SHROOM2: variants seen among roughly 807,000 people sequenced by gnomAD.
SHROOM2 encodes the protein protein Shroom2.
Under a neutral mutation model 75.9 loss-of-function variants are expected in SHROOM2, and 33 were observed. That is an observed-to-expected ratio of 0.43 (90% CI 0.33 to 0.58). The LOEUF (loss-of-function observed/expected upper bound fraction) is 0.58. Ranked by LOEUF, SHROOM2 falls within the 20% of genes least tolerant of loss-of-function variation. The pLI is 0.04. For missense variants in SHROOM2, 1,434 were observed against 1,461.2 expected (o/e 0.98, Z 0.30); for synonymous variants, 655 against 663.6 (o/e 0.99, Z 0.20).
chrX:9,821,196 A>G (rs1396021058), intron 1 of SHROOM2, among the ~76,000 whole-genome samples: 2 of 112,249 alleles, frequency 1.8e-5, no homozygotes, highest in Non-Finnish European at 3.8e-5. Context: ...CAACTGCTCT[A>G]CAGAGATGTG....
At position 9,886,563 on chromosome X, in the gene SHROOM2, A is replaced by G. The variant is rs778608391; in HGVS notation, c.318-4414A>G. On this transcript the variant is annotated intron_variant, in intron 2 of 9. Coordinates refer to ENST00000380913, the MANE Select transcript of SHROOM2 (RefSeq NM_001649.4). The stretch of plus-strand genomic sequence containing the variant: ...CTCCAGAAACTTGTTTCATCTTGCA[A>G]AACAGAGGCTCTATATGCATTAAAC... Among the ~76,000 whole-genome samples the G allele has an allele frequency of 3.6e-5, 4 of 111,851 alleles. No homozygotes were observed. The East Asian group carries it at 1.1e-3, about 31-fold the overall frequency.
chrX:9,937,544 T>C lies in SHROOM2; in HGVS notation c.3998T>C (p.Ile1333Thr). The change falls in exon 7 of 10, where the codon ATC (isoleucine) becomes ACC (threonine). Residue 1333 changes from isoleucine (I) to threonine (T), a missense_variant. By Grantham distance (89) the Ile-to-Thr change is moderately conservative (BLOSUM62 -1). Coordinates refer to ENST00000380913, the MANE Select transcript of SHROOM2 (RefSeq NM_001649.4). ...GGGAAGGATAAGTCCCTGGCCGACA[T>C]CCTGGATCCCAGTGTGAAGATCAAA... ...IVGKDKSLAD[I>T]LDPSVKIKTT... is the part of the protein sequence containing the mutation. 1 of 1,211,873 alleles carries C rather than the reference T, an allele frequency of 8.3e-7. No individual in the cohort carries two copies. Among genetic ancestry groups the C allele is most frequent in the Non-Finnish European group, 1.1e-6 (1 of 895,571 alleles).
chrX:9,827,921 G>A (rs1039999415), intron 1 of SHROOM2, among the ~76,000 whole-genome samples: 38 of 112,170 alleles, frequency 3.4e-4, no homozygotes, highest in African/African-American at 1.0e-3. Flanking sequence ...CTTCCCATCA[G>A]CAGCATCAGC....
chrX:9,808,507 G>A (rs769799350), intron 1 of SHROOM2, among the ~76,000 whole-genome samples: 1 of 110,467 alleles, frequency 9.1e-6, no homozygotes, highest in African/African-American at 3.3e-5. Flanking sequence ...TATCATTACG[G>A]CACTGTACTC....
At position 9,895,565 on chromosome X, in the gene SHROOM2, C is replaced by T; in HGVS notation, c.1657C>T (p.Pro553Ser). 8.5e-7 allele frequency: 1 copy of T among 1,173,671 alleles called. No homozygotes were observed. The highest frequency in any genetic ancestry group is 1.1e-6 in the Non-Finnish European group (1 of 878,393). ...CTGCTCCGCGGGAGCCCAGGAGCCT[C>T]CCAGGGCCAGCCGTGCAGAAAAAGC... Reference protein sequence around the residue: ...EGCSAGAQEPPRASRAEKASQ... With the variant: ...EGCSAGAQEPSRASRAEKASQ... The change falls in exon 4 of 10, where the codon CCC becomes TCC. Residue 553 changes from proline (P) to serine (S), a missense_variant. Physicochemically the swap from Pro to Ser is moderately conservative, Grantham distance 74 (BLOSUM62 -1). Around this residue, in one of 3 missense-constraint regions of SHROOM2, gnomAD observed 1,340 missense variants for 1,338.3 expected, o/e 1.00. Coordinates refer to ENST00000380913, the MANE Select transcript of SHROOM2 (RefSeq NM_001649.4).
chrX:9,822,718 C>T (rs188638948), intron 1 of SHROOM2, among the ~76,000 whole-genome samples: 59 of 112,316 alleles, frequency 5.3e-4, no homozygotes, highest in African/African-American at 1.7e-3. Context: ...GAAAGCTCTG[C>T]GGAGGGAATG....
chrX:9,920,344 A>G (rs1197830621), intron 5 of SHROOM2, among the ~76,000 whole-genome samples: 1 of 112,348 alleles, frequency 8.9e-6, no homozygotes, highest in Non-Finnish European at 1.9e-5. Flanking sequence ...TAATATGAAC[A>G]CCTCCTAGAT....
At chrX:9,937,999 G>A (rs946195461) in intron 7 of SHROOM2, among the ~76,000 whole-genome samples, 20 of 110,819 alleles carry the variant, frequency 1.8e-4, no homozygotes, top group Middle Eastern at 4.7e-3. Flanking sequence ...CTCAGTGGGG[G>A]CCGCTGTCTA....
Position 9,932,534 on chromosome X carries a change from ACGCCCC to A in SHROOM2, c.3254_3259del (p.Ala1085_Pro1086del). The A allele has an allele frequency of 8.3e-7, 1 of 1,210,686 alleles. No homozygotes were observed. Among genetic ancestry groups the A allele is most frequent in the Non-Finnish European group, 1.1e-6 (1 of 895,079 alleles). ...AGGGCCACAGACGGCGCACCTGCTG[ACGCCCC>A]CGTGGGCGTCCTCGGCAGGCCCTTC... is the stretch of plus-strand genomic sequence containing the variant. On this transcript the variant is annotated inframe_deletion, in exon 6 of 10. Coordinates refer to ENST00000380913, the MANE Select transcript of SHROOM2 (RefSeq NM_001649.4).
At chrX:9,806,079 C>T (rs772870969) in intron 1 of SHROOM2, among the ~76,000 whole-genome samples, 5 of 110,788 alleles carry the variant, frequency 4.5e-5, no homozygotes, top group Middle Eastern at 4.6e-3. Flanking sequence ...ACACTGAATC[C>T]GCCATGTCTT....
chrX:9,895,008 A>T lies in SHROOM2; in HGVS notation c.1100A>T (p.Asp367Val), dbSNP rs1298637323. 8.3e-7 allele frequency: 1 copy of T among 1,209,497 alleles called. No individual in the cohort carries two copies. The highest frequency in any genetic ancestry group is 1.8e-5 in the South Asian group (1 of 56,633). The change falls in exon 4 of 10, where the codon GAT (aspartate) becomes GTT (valine). Residue 367 changes from aspartate to valine, a missense_variant. By Grantham distance (152) the Asp-to-Val change is radical (BLOSUM62 -3). Around this residue, in one of 3 missense-constraint regions of SHROOM2, gnomAD observed 1,340 missense variants for 1,338.3 expected, o/e 1.00. Transcript: ENST00000380913. ...PRGDRRPELT[D>V]RPWRSAHPGS... ...GGTGACCGGAGACCAGAGCTCACCG[A>T]TCGGCCTTGGAGGTCAGCACACCCG...
chrX:9,893,698 T>TC (rs1479970569), intron 3 of SHROOM2, among the ~76,000 whole-genome samples: 1 of 111,079 alleles, frequency 9.0e-6, no homozygotes, highest in African/African-American at 3.3e-5. Flanking sequence ...ATATCTGTAA[T>TC]CCCAGCACTT....
At chrX:9,922,909 A>G (rs1227798206) in intron 5 of SHROOM2, among the ~76,000 whole-genome samples, 1 of 111,514 alleles carries the variant, frequency 9.0e-6, no homozygotes, top group Non-Finnish European at 1.9e-5. Flanking sequence ...TGTGTGTTCC[A>G]ATAACACTTC....
At chrX:9,880,325 G>A (rs901525405) in intron 2 of SHROOM2, among the ~76,000 whole-genome samples, 8 of 112,761 alleles carry the variant, frequency 7.1e-5, no homozygotes, top group African/African-American at 1.9e-4. Context: ...TTTGCAGGTC[G>A]AGACGTCCCC....
At chrX:9,899,924 C>T (rs1013549857) in intron 5 of SHROOM2, among the ~76,000 whole-genome samples, 10 of 112,079 alleles carry the variant, frequency 8.9e-5, no homozygotes, top group Non-Finnish European at 1.5e-4. Context: ...CCCGATGCCA[C>T]CAGTGTATCA....
At chrX:9,851,446 C>CTTTTTTTTTTT (rs746715538) in intron 1 of SHROOM2, among the ~76,000 whole-genome samples, 1 of 63,181 alleles carries the variant, frequency 1.6e-5, no homozygotes. Context: ...CAGGATATTG[C>CTTTTTTTTTTT]TTTTTTTTTT....
intron 1 of SHROOM2, among the ~76,000 whole-genome samples, chrX:9,821,366 A>G (rs1052224746): frequency 9.0e-6 from 1 of 111,609 alleles, no homozygotes; most frequent in East Asian, 2.8e-4. Context: ...CCAGTAGAGG[A>G]CGTGGGGGAG....
intron 1 of SHROOM2, among the ~76,000 whole-genome samples, chrX:9,792,088 AT>A (rs1308150018): frequency 1.4e-4 from 2 of 13,939 alleles, no homozygotes; most frequent in Non-Finnish European, 3.2e-4. Flanking sequence ...ATAGAATAGA[AT>A]AGAATAGAAT....
chrX:9,915,360 C>A (rs906780474), intron 5 of SHROOM2, among the ~76,000 whole-genome samples: 3 of 110,843 alleles, frequency 2.7e-5, no homozygotes, highest in African/African-American at 9.9e-5. Flanking sequence ...ATATATGAGA[C>A]ACACGCACAG....
Sources: gnomAD v4.1 joint callset for allele counts (sites outside exome capture counted in the v4.1 genomes callset) on GRCh38, gnomAD v4.1.1 for gene constraint, gnomAD v4.1.1 regional missense constraint, MANE v1.5 for transcripts, NCBI Gene and HGNC (gene_info 2026-07-23, HGNC 2026-07-21) for gene names.